The following ENOX1 variants were observed in gnomAD, a reference collection of about 807,000 sequenced individuals.
ENOX1 encodes the protein candidate growth-related and time keeping constitutive hydroquinone (NADH) oxidase.
In ENOX1, 42 loss-of-function variants were observed where a neutral mutation model predicts 82.5. The ratio of observed to expected loss-of-function variants is 0.51; its 90% CI spans 0.40 to 0.66. ENOX1 has a LOEUF of 0.66. Ranked by LOEUF, ENOX1 falls within the 30% of genes least tolerant of loss-of-function variation. The pLI, the probability that ENOX1 is intolerant of heterozygous loss-of-function variation, is 0.00. For synonymous variants in ENOX1, 271 were observed against 282.2 expected, an observed-to-expected ratio of 0.96 and a Z score of 0.40; for missense variants, 608 against 811.6, an observed-to-expected ratio of 0.75 and a Z score of 3.05.
At chr13:43,716,584 G>A (rs2088151173) in intron 1 of ENOX1, among the ~76,000 whole-genome samples, 3 of 152,184 alleles carry the variant, frequency 2.0e-5, no homozygotes, top group Non-Finnish European at 2.9e-5. Context: ...AGGAAAAGAA[G>A]TCAAATGATC....
chr13:43,307,818 A>C (rs2046953266), intron 11 of ENOX1, among the ~76,000 whole-genome samples: 1 of 152,180 alleles, frequency 6.6e-6, no homozygotes, highest in Admixed American at 6.5e-5. Context: ...CTTTGCAGCC[A>C]TATGTCTGGA....
At chr13:43,251,026 A>G (rs2043424812) in intron 14 of ENOX1, among the ~76,000 whole-genome samples, 1 of 152,306 alleles carries the variant, frequency 6.6e-6, no homozygotes, top group South Asian at 2.1e-4. Flanking sequence ...GGACCTGCCC[A>G]GTGGAAAACT....
At chr13:43,343,157 T>C (rs1263330253) in intron 9 of ENOX1, among the ~76,000 whole-genome samples, 1 of 152,244 alleles carries the variant, frequency 6.6e-6, no homozygotes, top group Non-Finnish European at 1.5e-5. Flanking sequence ...GAAAGTGTAT[T>C]ATTAGAATTG....
chr13:43,428,048 T>C (rs1398530526), intron 3 of ENOX1, among the ~76,000 whole-genome samples: 4 of 152,202 alleles, frequency 2.6e-5, no homozygotes, highest in African/African-American at 9.7e-5. Flanking sequence ...GAGGTTTCCA[T>C]GGCAATCAGG....
At chr13:43,575,810 A>G (rs1280450910) in intron 2 of ENOX1, among the ~76,000 whole-genome samples, 1 of 152,196 alleles carries the variant, frequency 6.6e-6, no homozygotes, top group African/African-American at 2.4e-5. Context: ...TCTTCTGTAA[A>G]GTCAACCAAC....
chr13:43,269,728 C>T, intron 12 of ENOX1, 151 bp from the exon 13 acceptor site: 1 of 642,980 alleles, frequency 1.6e-6, no homozygotes, highest in Non-Finnish European at 2.8e-6. Flanking sequence ...GTTTTCCGCA[C>T]TAAGTATCAA....
At chr13:43,766,820 A>G (rs569955409) in intron 1 of ENOX1, among the ~76,000 whole-genome samples, 1 of 152,320 alleles carries the variant, frequency 6.6e-6, no homozygotes, top group Non-Finnish European at 1.5e-5. Context: ...GAGAATTCTC[A>G]CTAAAAGGAT....
intron 11 of ENOX1, among the ~76,000 whole-genome samples, chr13:43,312,112 G>T (rs1314087072): frequency 1.3e-5 from 2 of 152,108 alleles, no homozygotes; most frequent in Admixed American, 6.5e-5. Context: ...TATTTATTCA[G>T]CAGCTCACCT....
At chr13:43,275,392 C>T (rs889815693) in intron 12 of ENOX1, among the ~76,000 whole-genome samples, 1 of 152,070 alleles carries the variant, frequency 6.6e-6, no homozygotes, top group African/African-American at 2.4e-5. Context: ...ATACATCAGC[C>T]ACATCTTGTT....
Position 43,325,626 on chromosome 13 carries a change from G to A in ENOX1, c.1143+793C>T, listed in dbSNP as rs75411597. ...GTTTGGGATTTTGAAAGAGGGGAAT[G>A]TCATTTAGAGAACTTTAATATTAAC... is the stretch of plus-strand genomic sequence containing the variant. On this transcript the variant is annotated intron_variant, in intron 10 of 16. Coordinates refer to ENST00000690772, the MANE Select transcript of ENOX1 (RefSeq NM_001347969.2). 3.9e-5 allele frequency among the ~76,000 whole-genome samples: 6 copies of A among 152,268 alleles called. No individual in the cohort carries two copies. In the East Asian group the frequency reaches 1.2e-3, roughly 29 times the overall value.
intron 9 of ENOX1, among the ~76,000 whole-genome samples, chr13:43,344,200 GC>G (rs1466418485): frequency 6.6e-6 from 1 of 152,174 alleles, no homozygotes; most frequent in Non-Finnish European, 1.5e-5. Context: ...TGTGCGGACA[GC>G]CTGCAGGTGA....
rs543517553 is a variant in ENOX1, at chr13:43,776,972, G to A, written c.-285+9680C>T. Among the ~76,000 whole-genome samples, 11 of 152,322 alleles carry A rather than the reference G, an allele frequency of 7.2e-5. No individual in the cohort carries two copies. In the South Asian group the frequency reaches 1.0e-3, roughly 14 times the overall value. ...TTCATATACAGAGAGGAGGAAGGAA[G>A]AGCAAGGAATGCTGTACCCAACACC... is the stretch of plus-strand genomic sequence containing the variant. On this transcript the variant is annotated intron_variant, in intron 1 of 16. Coordinates refer to ENST00000690772, the MANE Select transcript of ENOX1 (RefSeq NM_001347969.2).
Position 43,356,217 on chromosome 13 carries a change from T to G in ENOX1, c.590-65A>C, listed in dbSNP as rs183797317. On this transcript the variant is annotated intron_variant, in intron 7 of 16. Coordinates refer to ENST00000690772, the MANE Select transcript of ENOX1 (RefSeq NM_001347969.2). ...AATGGCCACAGTTTTGGTCCAGACC[T>G]TCAAGGCACGCTTAGGCAAATGCTC... The G allele has an allele frequency of 1.4e-4, 207 of 1,445,758 alleles. 1 individual carries two copies. Among genetic ancestry groups the G allele is most frequent in the Admixed American group, 6.5e-4 (34 of 52,100 alleles). The allele number at this position is 1,445,758 out of a possible 1,614,324, so 89.6% of individuals were successfully genotyped here.
At position 43,283,031 on chromosome 13, in the gene ENOX1, C is replaced by T. The variant is rs563099393; in HGVS notation, c.1447-13454G>A. Among the ~76,000 whole-genome samples the T allele has an allele frequency of 5.9e-5, 9 of 151,646 alleles. No individual in the cohort carries two copies. In the South Asian group the frequency reaches 1.0e-3, roughly 18 times the overall value. Reference sequence around the variant, plus strand: ...CCAGAAGGCAGAGGTTGCAGTGAGCCGAGATCACGCCACTGCATTCCAGCC... The same window carrying T: ...CCAGAAGGCAGAGGTTGCAGTGAGCTGAGATCACGCCACTGCATTCCAGCC... On this transcript the variant is annotated intron_variant, in intron 12 of 16. Transcript: ENST00000690772.
At chr13:43,450,733 G>A (rs937230357) in intron 3 of ENOX1, among the ~76,000 whole-genome samples, 1 of 152,118 alleles carries the variant, frequency 6.6e-6, no homozygotes, top group Non-Finnish European at 1.5e-5. Flanking sequence ...AAAGGAAGCA[G>A]GTAGTGGCGT....
chr13:43,634,712 G>A (rs1411052501), intron 2 of ENOX1, among the ~76,000 whole-genome samples: 1 of 152,146 alleles, frequency 6.6e-6, no homozygotes, highest in East Asian at 1.9e-4. Flanking sequence ...CTACCAATAT[G>A]TTTTTATCTT....
intron 2 of ENOX1, among the ~76,000 whole-genome samples, chr13:43,535,634 G>A (rs1347293770): frequency 2.0e-5 from 3 of 152,112 alleles, no homozygotes; most frequent in Non-Finnish European, 4.4e-5. Flanking sequence ...AAAAGTTTCA[G>A]CCCATGAGCA....
At chr13:43,252,897 A>G (rs1474728155) in intron 14 of ENOX1, among the ~76,000 whole-genome samples, 1 of 152,194 alleles carries the variant, frequency 6.6e-6, no homozygotes, top group Non-Finnish European at 1.5e-5. Context: ...GGGGATCTCC[A>G]TCAGAGCTGG....
chr13:43,497,685 C>A (rs915072813), intron 2 of ENOX1, among the ~76,000 whole-genome samples: 2 of 151,966 alleles, frequency 1.3e-5, no homozygotes, highest in African/African-American at 4.8e-5. Context: ...TAAGGCATAT[C>A]GATGTGTGAC....
Sources: gnomAD v4.1 joint callset for allele counts (sites outside exome capture counted in the v4.1 genomes callset) on GRCh38, gnomAD v4.1.1 for gene constraint, MANE v1.5 for transcripts, NCBI Gene and HGNC (gene_info 2026-07-23, HGNC 2026-07-21) for gene names.